The following CORO6 variants were observed in gnomAD, a reference collection of about 807,000 sequenced individuals.
CORO6 encodes the protein coronin 6, also known as coronin-6.
Under a neutral mutation model 49.0 loss-of-function variants are expected in CORO6, and 43 were observed. The observed-to-expected ratio is 0.88, with a 90% CI of 0.69 to 1.13. The LOEUF (loss-of-function observed/expected upper bound fraction) is 1.13, where lower values mean the gene tolerates loss of function less well. Among genes scored for constraint, CORO6 ranks in the 50% most tolerant of loss-of-function variants. The pLI, the probability that CORO6 is intolerant of heterozygous loss-of-function variation, is 0.00. For missense variants in CORO6, 650 were observed against 647.0 expected (o/e 1.00, Z -0.05); for synonymous variants, 233 against 256.5 (o/e 0.91, Z 0.88).
rs776274372 is a variant in CORO6, at chr17:29,616,956, GATGC to G, written c.836_839del (p.Ser279ThrfsTer27). The G allele has an allele frequency of 8.7e-6, 14 of 1,613,690 alleles. No homozygotes were observed. Among genetic ancestry groups the G allele is most frequent in the Non-Finnish European group, 1.2e-5 (14 of 1,180,030 alleles). On this transcript the variant is annotated frameshift_variant, in exon 7 of 11. Coordinates refer to ENST00000388767, the MANE Select transcript of CORO6 (RefSeq NM_032854.4). LOFTEE classifies it high-confidence loss of function. This position sits in a 1 kb window ranked among gnomAD's most constrained non-coding sequence, Gnocchi z 5.6. ...TGAGCACCTTGCCACACAGGTAGAC[GATGC>G]TGGAGTCGGGATCGTAAAAGGGCAA...
chr17:29,615,520 C>G lies in CORO6; in HGVS notation c.*212G>C, dbSNP rs2034813277. On this transcript the variant is annotated 3_prime_UTR_variant, in exon 11 of 11. Transcript: ENST00000388767. Reference sequence around the variant, plus strand: ...CTCCCTAGGCCAGCTCCAGCCGAGTCCCAGACGAGGCTCGCAGTCCAGCCT... The same window carrying G: ...CTCCCTAGGCCAGCTCCAGCCGAGTGCCAGACGAGGCTCGCAGTCCAGCCT... 2 of 559,928 alleles carry G rather than the reference C, an allele frequency of 3.6e-6. No homozygotes were observed. Among genetic ancestry groups the G allele is most frequent in the South Asian group, 2.5e-5 (1 of 39,298 alleles). 34.7% of individuals were successfully genotyped at this position (559,928 alleles called of 1,614,324 possible).
intron 5 of CORO6, chr17:29,617,929 C>G (rs1256739574): frequency 1.1e-6 from 1 of 911,228 alleles, no homozygotes; most frequent in African/African-American, 1.8e-5. Context: ...CGAGGCTTTT[C>G]CCGAATGGGA....
chr17:29,617,963 T>C (rs1280422508), intron 5 of CORO6: 7 of 1,197,034 alleles, frequency 5.8e-6, no homozygotes, highest in Non-Finnish European at 7.8e-6. Context: ...CTCTGGCCTC[T>C]TGGGCGCCAG....
chr17:29,617,253 C>G, intron 6 of CORO6: 1 of 1,535,468 alleles, frequency 6.5e-7, no homozygotes, highest in Non-Finnish European at 8.7e-7. Flanking sequence ...CGCTGCGCGC[C>G]GCATGCAGTC....
Position 29,622,549 on chromosome 17 carries a change from G to C in CORO6, c.-64+139C>G, listed in dbSNP as rs931200565. 184 of 348,632 alleles carry C rather than the reference G, an allele frequency of 5.3e-4. 2 individuals carry two copies. The Middle Eastern group carries it at 6.4e-3, about 12-fold the overall frequency. The allele number at this position is 348,632 out of a possible 1,614,324, so 21.6% of individuals were successfully genotyped here. The stretch of plus-strand genomic sequence containing the variant: ...CCTCCGGGAGCGCTGGCTGCTGTCC[G>C]GCCAAATATAGACACCACGTCCTCC... On this transcript the variant is annotated intron_variant, in intron 1 of 10. Coordinates refer to ENST00000388767, the MANE Select transcript of CORO6 (RefSeq NM_032854.4).
intron 5 of CORO6, 141 bp from the exon 6 acceptor site, chr17:29,617,760 C>T (rs2035061491): frequency 3.2e-6 from 3 of 932,164 alleles, no homozygotes; most frequent in African/African-American, 1.7e-5. Flanking sequence ...GGCCTAAGCA[C>T]TCAGCTTCCT....
At chr17:29,617,360 TG>T in intron 6 of CORO6, 139 bp downstream of exon 6, 2 of 1,543,176 alleles carry the variant, frequency 1.3e-6, no homozygotes, top group South Asian at 1.2e-5. Context: ...GGGGTGGGTG[TG>T]AGAATGGCAG....
At chr17:29,619,258 C>A in intron 3 of CORO6, 69 bp from the exon 4 acceptor site, 1 of 1,572,776 alleles carries the variant, frequency 6.4e-7, no homozygotes, top group Non-Finnish European at 8.6e-7. Flanking sequence ...TCCTTCCCTA[C>A]CTTTTTTTTT....
intron 5 of CORO6, 75 bp downstream of exon 5, chr17:29,618,715 A>G: frequency 6.6e-7 from 1 of 1,524,342 alleles, no homozygotes; most frequent in Non-Finnish European, 8.9e-7. Flanking sequence ...GGGCTCTGAT[A>G]ATGGTGGGTA....
chr17:29,619,043 C>T lies in CORO6; in HGVS notation c.451+17G>A. On this transcript the variant is annotated intron_variant, in intron 4 of 10. Coordinates refer to ENST00000388767, the MANE Select transcript of CORO6 (RefSeq NM_032854.4). ...CCACCCACCCATCTATGGGGGACCCCTCCTTAGCCCCCAGACCTGCACTGA... is the reference window on the plus strand; with the variant it reads ...CCACCCACCCATCTATGGGGGACCCTTCCTTAGCCCCCAGACCTGCACTGA... 1 of 1,612,026 alleles carries T rather than the reference C, an allele frequency of 6.2e-7. No homozygotes were observed.
chr17:29,622,795 G>C lies in CORO6; in HGVS notation c.-171C>G. On this transcript the variant is annotated 5_prime_UTR_variant, in exon 1 of 11. Transcript: ENST00000388767. Reference sequence around the variant, plus strand: ...TTCAGGGCGAAGGAGCCACCTCTCCGGGTGTCTGTAGTATCTGGGACCCGG... The same window carrying C: ...TTCAGGGCGAAGGAGCCACCTCTCCCGGTGTCTGTAGTATCTGGGACCCGG... 7.6e-7 allele frequency: 1 copy of C among 1,316,070 alleles called. No homozygotes were observed. The highest frequency in any genetic ancestry group is 1.0e-6 in the Non-Finnish European group (1 of 997,148). The allele number at this position is 1,316,070 out of a possible 1,614,324, so 81.5% of individuals were successfully genotyped here.
At position 29,616,118 on chromosome 17, in the gene CORO6, C is replaced by G. The variant is rs775022235; in HGVS notation, c.1120G>C (p.Glu374Gln). The change falls in exon 10 of 11, where the codon GAA becomes CAA. Residue 374 changes from glutamate (E) to glutamine (Q), a missense_variant. Physicochemically the swap from Glu to Gln is conservative, Grantham distance 29. Transcript: ENST00000388767. The surrounding 1 kb of genome is among the most constrained non-coding windows in gnomAD (Gnocchi z 5.6). ...TGGCCGGATAGCCATTCGTCCGCTT[C>G]TAGGGCCGGCTCCGGGCCTGGCGTA... ...PDTPGPEPAL[E>Q]ADEWLSGQDA... The G allele has an allele frequency of 6.2e-7, 1 of 1,613,364 alleles. No individual in the cohort carries two copies. Among genetic ancestry groups the G allele is most frequent in the Non-Finnish European group, 8.5e-7 (1 of 1,180,016 alleles).
Position 29,616,183 on chromosome 17 carries a change from G to T in CORO6, c.1063-8C>A, listed in dbSNP as rs778214886. The T allele has an allele frequency of 6.2e-7, 1 of 1,611,964 alleles. No homozygotes were observed. Among genetic ancestry groups the T allele is most frequent in the South Asian group, 1.1e-5 (1 of 90,990 alleles). On this transcript the variant is annotated splice_polypyrimidine_tract_variant and splice_region_variant and intron_variant, in intron 9 of 10. Coordinates refer to ENST00000388767, the MANE Select transcript of CORO6 (RefSeq NM_032854.4). The surrounding 1 kb of genome is among the most constrained non-coding windows in gnomAD (Gnocchi z 5.6). ...GTCCTGGAAGAGGTCTGACTGCGGGGGTGGGTGGACAGGAGGACTTGCGTG... is the reference window on the plus strand; with the variant it reads ...GTCCTGGAAGAGGTCTGACTGCGGGTGTGGGTGGACAGGAGGACTTGCGTG...
chr17:29,615,727 CG>C lies in CORO6; in HGVS notation c.*4del. The C allele has an allele frequency of 6.7e-7, 1 of 1,498,880 alleles. No individual in the cohort carries two copies. The highest frequency in any genetic ancestry group is 8.9e-7 in the Non-Finnish European group (1 of 1,127,764). The allele number at this position is 1,498,880 out of a possible 1,614,324, so 92.8% of individuals were successfully genotyped here. On this transcript the variant is annotated 3_prime_UTR_variant, in exon 11 of 11. Coordinates refer to ENST00000388767, the MANE Select transcript of CORO6 (RefSeq NM_032854.4). ...CGCCCCGCTCCGCCTGCCTGGCGCGCGGGGCTAGTCCGTGCCGTCCACCAGC... is the reference window on the plus strand; with the variant it reads ...CGCCCCGCTCCGCCTGCCTGGCGCGCGGGCTAGTCCGTGCCGTCCACCAGC...
intron 6 of CORO6, 134 bp from the exon 7 acceptor site, chr17:29,617,176 C>A: frequency 6.5e-7 from 1 of 1,544,972 alleles, no homozygotes; most frequent in Non-Finnish European, 8.7e-7. Flanking sequence ...GAGTTGCAGG[C>A]CCCTCCCCTG....
intron 6 of CORO6, 39 bp from the exon 7 acceptor site, chr17:29,617,081 C>T (rs757320168): frequency 3.7e-6 from 6 of 1,604,212 alleles, no homozygotes; most frequent in Non-Finnish European, 5.1e-6. Context: ...CCTGCCCCAC[C>T]CTCCCGTGCT....
At position 29,616,390 on chromosome 17, in the gene CORO6, C is replaced by T; in HGVS notation, c.1005-54G>A. The T allele has an allele frequency of 6.5e-7, 1 of 1,541,720 alleles. No individual in the cohort carries two copies. The highest frequency in any genetic ancestry group is 8.8e-7 in the Non-Finnish European group (1 of 1,137,532). The stretch of plus-strand genomic sequence containing the variant: ...GCAGACTTCCACGTCCTTAACTTCT[C>T]CTGTCTAAGACCAAGGGGGTTGGAG... On this transcript the variant is annotated intron_variant, in intron 8 of 10. Transcript: ENST00000388767. The surrounding 1 kb of genome is among the most constrained non-coding windows in gnomAD (Gnocchi z 5.6).
At position 29,617,521 on chromosome 17, in the gene CORO6, T is replaced by C. The variant is rs1374378157; in HGVS notation, c.732A>G (p.Arg244=). ...TTACCGGGTCCCACAGGCCCAGCTC[T>C]CGCTGGCTCATGCGGGTGAAGCCCG... is the stretch of plus-strand genomic sequence containing the variant. ...FTTGFTRMSQ[R]ELGLWDPNNF... Residue 244 remains arginine, a synonymous_variant, in exon 6 of 11, where the codon CGA becomes CGG. Transcript: ENST00000388767. The C allele has an allele frequency of 6.8e-6, 11 of 1,610,712 alleles. No homozygotes were observed. Among genetic ancestry groups the C allele is most frequent in the Non-Finnish European group, 9.3e-6 (11 of 1,179,744 alleles).
rs1299939700 is a variant in CORO6, at chr17:29,617,293, C to T, written c.753+207G>A. The T allele has an allele frequency of 2.6e-6, 4 of 1,530,032 alleles. No homozygotes were observed. In the South Asian group the frequency reaches 3.6e-5, roughly 14 times the overall value. The allele number at this position is 1,530,032 out of a possible 1,614,324, so 94.8% of individuals were successfully genotyped here. ...CAAACCACCCCCAGGGACTCGGCAT[C>T]ACCAGGTGGGGGCGCCAGCGCAGGA... On this transcript the variant is annotated intron_variant, in intron 6 of 10. Transcript: ENST00000388767.
Sources: gnomAD v4.1 joint callset for allele counts on GRCh38, gnomAD v4.1.1 for gene constraint, Gnocchi (gnomAD v3.1) non-coding constraint, MANE v1.5 for transcripts, NCBI Gene and HGNC (gene_info 2026-07-23, HGNC 2026-07-21) for gene names.